Variants in EPB41L2 observed in about 807,000 individuals in gnomAD.
EPB41L2 encodes the protein erythrocyte membrane protein band 4.1 like 2, also known as band 4.1-like protein 2.
Under a neutral mutation model 113.0 loss-of-function variants are expected in EPB41L2, and 43 were observed. That is an observed-to-expected ratio of 0.38 (90% confidence interval 0.30 to 0.49). The LOEUF (loss-of-function observed/expected upper bound fraction) is 0.49, where lower values mean the gene tolerates loss of function less well. Among genes scored for constraint, EPB41L2 ranks in the 20% least tolerant of loss-of-function variants. The pLI is 0.95. For synonymous variants in EPB41L2, 442 were observed against 436.7 expected, an observed-to-expected ratio of 1.01 and a Z score of -0.15; for missense variants, 1,147 against 1,223.4, an observed-to-expected ratio of 0.94 and a Z score of 0.93.
chr6:130,973,530 G>C (rs1306744620), intron 1 of EPB41L2, among the ~76,000 whole-genome samples: 1 of 151,296 alleles, frequency 6.6e-6, no homozygotes, highest in Non-Finnish European at 1.5e-5. Flanking sequence ...TTTGTGAAAG[G>C]AAAATAAATC....
chr6:130,872,802 A>G (rs748707621), intron 14 of EPB41L2, among the ~76,000 whole-genome samples: 1 of 152,142 alleles, frequency 6.6e-6, no homozygotes, highest in Non-Finnish European at 1.5e-5. Flanking sequence ...CCAACTGAGC[A>G]CAACCGACCC....
intron 8 of EPB41L2, among the ~76,000 whole-genome samples, chr6:130,897,009 T>G (rs1443347585): frequency 6.6e-6 from 1 of 152,058 alleles, no homozygotes; most frequent in Admixed American, 6.5e-5. Flanking sequence ...GACGGCCCTC[T>G]CCACACATAT....
chr6:130,879,823 T>C (rs1562374547), intron 13 of EPB41L2, among the ~76,000 whole-genome samples: 1 of 152,230 alleles, frequency 6.6e-6, no homozygotes, highest in African/African-American at 2.4e-5. Flanking sequence ...TTACCTCAGG[T>C]TGATGCCCTA....
In EPB41L2 at chr6:130,840,536, C is replaced by G. The variant is rs910387007; in HGVS notation, c.*68G>C. Reference sequence around the variant, plus strand: ...CTGGAATAGTGGTGTGGCATTAAGACTTGGAACGGTCAAAAAATCTTCAGG... The same window carrying G: ...CTGGAATAGTGGTGTGGCATTAAGAGTTGGAACGGTCAAAAAATCTTCAGG... On this transcript the variant is annotated 3_prime_UTR_variant, in exon 20 of 20. Transcript: ENST00000337057. 1.3e-5 allele frequency: 2 copies of G among 148,696 alleles called. No homozygotes were observed. The highest frequency in any genetic ancestry group is 5.0e-5 in the African/African-American group (2 of 40,180). 9.2% of individuals were successfully genotyped at this position (148,696 alleles called of 1,614,324 possible). A position where few individuals can be genotyped will look rare whatever the true frequency, so the allele number is the denominator to read the frequency against.
intron 1 of EPB41L2, among the ~76,000 whole-genome samples, chr6:131,024,437 G>A (rs553388327): frequency 6.6e-6 from 1 of 152,194 alleles, no homozygotes; most frequent in East Asian, 1.9e-4. Context: ...AGCTGCAAGA[G>A]GTTCCCAAAA....
intron 1 of EPB41L2, among the ~76,000 whole-genome samples, chr6:130,995,559 C>T (rs1782895186): frequency 6.6e-6 from 1 of 152,200 alleles, no homozygotes. Context: ...ACCACGGGCA[C>T]ATGTCTTCAG....
chr6:131,040,653 T>C (rs1794285580), intron 1 of EPB41L2, among the ~76,000 whole-genome samples: 1 of 152,150 alleles, frequency 6.6e-6, no homozygotes, highest in African/African-American at 2.4e-5. Context: ...TATGCCAGTA[T>C]CAAAGGGAAA....
At chr6:130,945,357 C>G (rs1562551858) in intron 3 of EPB41L2, among the ~76,000 whole-genome samples, 1 of 152,154 alleles carries the variant, frequency 6.6e-6, no homozygotes, top group African/African-American at 2.4e-5. Flanking sequence ...AAAAAGACCT[C>G]GACACATTCT....
At chr6:130,848,788 G>A (rs1482299333) in intron 19 of EPB41L2, among the ~76,000 whole-genome samples, 1 of 152,146 alleles carries the variant, frequency 6.6e-6, no homozygotes, top group East Asian at 1.9e-4. Flanking sequence ...CCCCTCTGAT[G>A]CCACCCACAA....
intron 11 of EPB41L2, among the ~76,000 whole-genome samples, chr6:130,887,591 T>G (rs186722635): frequency 1.3e-5 from 2 of 152,352 alleles, no homozygotes; most frequent in East Asian, 1.9e-4. Flanking sequence ...TGCACTTGCC[T>G]TCTCTCTGTT....
At position 131,017,182 on chromosome 6, in the gene EPB41L2, TTAAA is replaced by T. The variant is rs2128733123; in HGVS notation, c.-15+45969_-15+45972del. Among the ~76,000 whole-genome samples, 3 of 152,334 alleles carry T rather than the reference TTAAA, an allele frequency of 2.0e-5. No individual in the cohort carries two copies. The East Asian group carries it at 5.8e-4, about 29-fold the overall frequency. On this transcript the variant is annotated intron_variant, in intron 1 of 19. Coordinates refer to ENST00000337057, the MANE Select transcript of EPB41L2 (RefSeq NM_001431.4). ...TTATCTCATAAAGTTATTAGAATAC[TTAAA>T]TAAAAATATACATAAACATGTTTTG...
At chr6:130,913,842 C>G (rs1800146190) in intron 4 of EPB41L2, among the ~76,000 whole-genome samples, 1 of 151,970 alleles carries the variant, frequency 6.6e-6, no homozygotes, top group South Asian at 2.1e-4. Flanking sequence ...CTTGGTTTGA[C>G]ACTTAAGGAG....
chr6:130,874,364 A>ATT (rs141679352), intron 14 of EPB41L2, among the ~76,000 whole-genome samples: 2 of 151,758 alleles, frequency 1.3e-5, no homozygotes, highest in South Asian at 2.1e-4. Context: ...CTTATGCATA[A>ATT]TTTTTTTATT....
intron 3 of EPB41L2, among the ~76,000 whole-genome samples, chr6:130,953,513 A>G (rs1816007522): frequency 6.6e-6 from 1 of 152,058 alleles, no homozygotes; most frequent in African/African-American, 2.4e-5. Context: ...ACTGGGGCCT[A>G]TCATGGGGTG....
At chr6:131,029,554 A>G (rs1447114003) in intron 1 of EPB41L2, among the ~76,000 whole-genome samples, 3 of 152,232 alleles carry the variant, frequency 2.0e-5, no homozygotes, top group African/African-American at 7.2e-5. Flanking sequence ...AAAGGATTCA[A>G]CATTAGAACT....
At chr6:130,943,308 A>AT (rs1372718587) in intron 3 of EPB41L2, among the ~76,000 whole-genome samples, 1 of 152,232 alleles carries the variant, frequency 6.6e-6, no homozygotes, top group East Asian at 1.9e-4. Context: ...GTGAGTACAT[A>AT]TTTTAAAGTA....
chr6:130,888,373 C>T (rs1188234949), intron 11 of EPB41L2, among the ~76,000 whole-genome samples: 1 of 152,168 alleles, frequency 6.6e-6, no homozygotes, highest in East Asian at 1.9e-4. Context: ...TAATGGATTA[C>T]TGTGCCATGT....
At chr6:130,869,019 C>T (rs1784805467) in intron 15 of EPB41L2, 1 of 152,850 alleles carries the variant, frequency 6.5e-6, no homozygotes, top group Non-Finnish European at 1.5e-5. Context: ...CAAGAAATAA[C>T]ATTCTCATCA....
At chr6:131,011,813 G>A (rs369942280) in intron 1 of EPB41L2, among the ~76,000 whole-genome samples, 1 of 152,212 alleles carries the variant, frequency 6.6e-6, no homozygotes, top group East Asian at 1.9e-4. Context: ...GTGAAGACAG[G>A]AAGCAAGTGA....
Sources: gnomAD v4.1 joint callset for allele counts (sites outside exome capture counted in the v4.1 genomes callset) on GRCh38, gnomAD v4.1.1 for gene constraint, MANE v1.5 for transcripts, NCBI Gene and HGNC (gene_info 2026-07-23, HGNC 2026-07-21) for gene names.